Variants in HHAT observed in about 807,000 individuals in gnomAD.
HHAT encodes the protein protein-cysteine N-palmitoyltransferase HHAT.
Under a neutral mutation model 70.8 loss-of-function variants are expected in HHAT, and 47 were observed. The observed-to-expected ratio is 0.66, with a 90% CI of 0.53 to 0.85. HHAT has a LOEUF of 0.85. Ranked by LOEUF, HHAT falls within the 40% of genes least tolerant of loss-of-function variation. The pLI is 0.00. For missense variants in HHAT, 609 were observed against 604.8 expected (o/e 1.01, Z -0.07); for synonymous variants, 228 against 247.6 (o/e 0.92, Z 0.74).
intron 10 of HHAT, among the ~76,000 whole-genome samples, chr1:210,616,312 A>G (rs1223248876): frequency 3.3e-5 from 5 of 152,146 alleles, no homozygotes; most frequent in Admixed American, 1.3e-4. Context: ...GAAATTTTGA[A>G]TCCTTTGACC....
At chr1:210,621,168 CT>C (rs994418983) in intron 10 of HHAT, among the ~76,000 whole-genome samples, 11 of 152,244 alleles carry the variant, frequency 7.2e-5, no homozygotes, top group Middle Eastern at 3.4e-3. Context: ...CTCAGTACCT[CT>C]GTTGATTATT....
chr1:210,637,867 A>AG (rs1672179896), intron 11 of HHAT, among the ~76,000 whole-genome samples: 1 of 130,618 alleles, frequency 7.7e-6, no homozygotes, highest in Non-Finnish European at 1.7e-5. Flanking sequence ...TCAAAAAAAA[A>AG]AAAAGGGGGG....
intron 1 of HHAT, among the ~76,000 whole-genome samples, chr1:210,339,869 G>A (rs2085850362): frequency 6.6e-6 from 1 of 152,138 alleles, no homozygotes; most frequent in Non-Finnish European, 1.5e-5. Context: ...ATGTTGGTGC[G>A]GATGTGGAAG....
At chr1:210,595,080 G>A (rs1340718880) in intron 10 of HHAT, among the ~76,000 whole-genome samples, 4 of 151,804 alleles carry the variant, frequency 2.6e-5, no homozygotes, top group Admixed American at 6.6e-5. Context: ...TCATCATTTA[G>A]CATTAGGTAT....
chr1:210,417,772 T>C (rs931758412), intron 6 of HHAT, among the ~76,000 whole-genome samples: 1 of 152,154 alleles, frequency 6.6e-6, no homozygotes, highest in Non-Finnish European at 1.5e-5. Context: ...GAGTAGGTGA[T>C]GGAGGAATTC....
At chr1:210,474,431 T>C (rs747565996) in intron 8 of HHAT, among the ~76,000 whole-genome samples, 3 of 152,162 alleles carry the variant, frequency 2.0e-5, no homozygotes, top group Admixed American at 6.5e-5. Flanking sequence ...GCTGGGACTA[T>C]AGATGTGCAC....
intron 11 of HHAT, among the ~76,000 whole-genome samples, chr1:210,637,033 A>G (rs1453082422): frequency 6.6e-6 from 1 of 152,176 alleles, no homozygotes; most frequent in Admixed American, 6.5e-5. Flanking sequence ...AAATTGAGAA[A>G]AACACCTACC....
intron 3 of HHAT, among the ~76,000 whole-genome samples, chr1:210,370,930 C>A (rs150095454): frequency 6.6e-6 from 1 of 151,968 alleles, no homozygotes; most frequent in African/African-American, 2.4e-5. Context: ...CCTATTTTTA[C>A]GTTAGGCAGA....
intron 9 of HHAT, among the ~76,000 whole-genome samples, chr1:210,523,806 A>G (rs778483884): frequency 6.7e-6 from 1 of 149,374 alleles, no homozygotes; most frequent in Non-Finnish European, 1.5e-5. Flanking sequence ...CATTTAACCC[A>G]TTTATTTTTA....
chr1:210,577,664 T>TC (rs58026461), intron 9 of HHAT, among the ~76,000 whole-genome samples: 17 of 121,972 alleles, frequency 1.4e-4, no homozygotes, highest in African/African-American at 6.1e-4. Context: ...TTTTTTTTTT[T>TC]CGAAATGGAG....
intron 10 of HHAT, among the ~76,000 whole-genome samples, chr1:210,594,110 T>A (rs1662376253): frequency 1.3e-5 from 2 of 152,226 alleles, no homozygotes; most frequent in Non-Finnish European, 1.5e-5. Flanking sequence ...TCCTGTTTTT[T>A]AATCTATTCA....
intron 4 of HHAT, among the ~76,000 whole-genome samples, chr1:210,399,824 A>G (rs984602883): frequency 3.3e-5 from 5 of 152,204 alleles, no homozygotes; most frequent in African/African-American, 7.2e-5. Context: ...GATTCTCCTA[A>G]AATGGGAATA....
chr1:210,457,272 G>A (rs1454166284), intron 7 of HHAT, among the ~76,000 whole-genome samples: 1 of 151,930 alleles, frequency 6.6e-6, no homozygotes, highest in African/African-American at 2.4e-5. Flanking sequence ...TATATTTCCA[G>A]TACTTACCCC....
intron 10 of HHAT, among the ~76,000 whole-genome samples, chr1:210,621,170 G>T (rs1668746144): frequency 6.6e-6 from 1 of 151,882 alleles, no homozygotes; most frequent in South Asian, 2.1e-4. Flanking sequence ...CAGTACCTCT[G>T]TTGATTATTT....
chr1:210,471,022 C>T (rs569224076), intron 8 of HHAT, among the ~76,000 whole-genome samples: 1 of 152,172 alleles, frequency 6.6e-6, no homozygotes, highest in African/African-American at 2.4e-5. Context: ...TTGTTTAATG[C>T]TGTAACCGTA....
chr1:210,465,090 T>G (rs1289835364), intron 8 of HHAT, among the ~76,000 whole-genome samples: 3 of 152,264 alleles, frequency 2.0e-5, no homozygotes, highest in Non-Finnish European at 4.4e-5. Flanking sequence ...GTTTCATTTT[T>G]CTTATCTCTT....
intron 11 of HHAT, among the ~76,000 whole-genome samples, chr1:210,649,455 G>C (rs1163022213): frequency 6.6e-6 from 1 of 152,238 alleles, no homozygotes; most frequent in East Asian, 1.9e-4. Context: ...TGGTCACACA[G>C]AATACAGCAG....
At chr1:210,508,580 G>A (rs886238396) in intron 8 of HHAT, among the ~76,000 whole-genome samples, 4 of 152,218 alleles carry the variant, frequency 2.6e-5, no homozygotes, top group African/African-American at 7.2e-5. Flanking sequence ...TATCAAATAT[G>A]TTGCCTGACT....
At chr1:210,346,161 G>A (rs992621039) in intron 1 of HHAT, among the ~76,000 whole-genome samples, 2 of 151,918 alleles carry the variant, frequency 1.3e-5, no homozygotes, top group African/African-American at 4.8e-5. Context: ...CAGGAGGATT[G>A]TCTCAGATAG....
Sources: allele counts gnomAD v4.1 joint callset (sites outside exome capture counted in the v4.1 genomes callset), GRCh38; gene constraint gnomAD v4.1.1; transcripts MANE v1.5; gene names NCBI Gene and HGNC (gene_info 2026-07-23, HGNC 2026-07-21).